KAZN: variants seen among roughly 807,000 people sequenced by gnomAD.
The protein encoded by KAZN is kazrin.
Under a neutral mutation model 87.4 loss-of-function variants are expected in KAZN, and 40 were observed. The ratio of observed to expected loss-of-function variants is 0.46; its 90% confidence interval spans 0.36 to 0.60. The LOEUF is 0.60. Ranked by LOEUF, KAZN falls within the 20% of genes least tolerant of loss-of-function variation. The pLI, the probability that KAZN is intolerant of heterozygous loss-of-function variation, is 0.00. For synonymous variants in KAZN, 466 were observed against 458.3 expected, an observed-to-expected ratio of 1.02 and a Z score of -0.22; for missense variants, 898 against 1,073.9, an observed-to-expected ratio of 0.84 and a Z score of 2.29.
intron 1 of KAZN, among the ~76,000 whole-genome samples, chr1:14,845,793 T>G (rs1205562680): frequency 6.6e-6 from 1 of 152,096 alleles, no homozygotes; most frequent in African/African-American, 2.4e-5. Flanking sequence ...ATGGAAAATA[T>G]CTGTGAGGGA....
rs1663512524 is a variant in KAZN, at chr1:14,958,963, C to G, written c.227-1721C>G. On this transcript the variant is annotated intron_variant, in intron 1 of 14. Transcript: ENST00000376030. The stretch of plus-strand genomic sequence containing the variant: ...GCCAGGTGCCAGGTGCTGTTCTAGG[C>G]ATGAGGATGCGGCCATGGACAAAAC... 2.6e-5 allele frequency among the ~76,000 whole-genome samples: 4 copies of G among 152,212 alleles called. No homozygotes were observed. In the South Asian group the frequency reaches 8.3e-4, roughly 32 times the overall value.
chr1:14,090,047 G>A (rs1182755920), intron 1 of KAZN, among the ~76,000 whole-genome samples: 2 of 150,516 alleles, frequency 1.3e-5, no homozygotes, highest in Admixed American at 6.6e-5. Context: ...TTAAGATTTT[G>A]TCTTTATTAT....
chr1:14,339,535 C>T (rs1457028802), intron 2 of KAZN, among the ~76,000 whole-genome samples: 3 of 152,124 alleles, frequency 2.0e-5, no homozygotes, highest in Non-Finnish European at 2.9e-5. Context: ...AAGCTAGACA[C>T]GCAGGAGAGC....
At chr1:14,147,147 AAT>A (rs908308243) in intron 1 of KAZN, among the ~76,000 whole-genome samples, 5 of 152,172 alleles carry the variant, frequency 3.3e-5, no homozygotes, top group African/African-American at 1.2e-4. Flanking sequence ...CATAACACAA[AAT>A]ATGTGTTAAT....
intron 1 of KAZN, among the ~76,000 whole-genome samples, chr1:13,900,040 G>A (rs368986293): frequency 7.9e-5 from 12 of 152,052 alleles, no homozygotes; most frequent in South Asian, 6.2e-4. Flanking sequence ...TGGGGCGGCT[G>A]TCATCCTTAT....
In KAZN at chr1:14,498,151, A is replaced by G. The variant is rs560373110; in HGVS notation, c.250-100832A>G. On this transcript the variant is annotated intron_variant, in intron 2 of 16. Transcript: ENST00000636203. ...TCCAGTTTTCTTCTTTCACATTACCATAGCACCTTGAATTTACAAGGCACA... is the reference window on the plus strand; with the variant it reads ...TCCAGTTTTCTTCTTTCACATTACCGTAGCACCTTGAATTTACAAGGCACA... Among the ~76,000 whole-genome samples, 11 of 152,254 alleles carry G rather than the reference A, an allele frequency of 7.2e-5. No homozygotes were observed. In the East Asian group the frequency reaches 1.9e-3, roughly 27 times the overall value.
chr1:14,644,952 T>G (rs1011789147), intron 1 of KAZN, among the ~76,000 whole-genome samples: 1 of 152,246 alleles, frequency 6.6e-6, no homozygotes, highest in Admixed American at 6.5e-5. Flanking sequence ...ATGTAAGTCT[T>G]TAATCTGTCT....
chr1:14,365,771 G>A (rs1419637991), intron 2 of KAZN, among the ~76,000 whole-genome samples: 2 of 152,182 alleles, frequency 1.3e-5, no homozygotes, highest in East Asian at 3.8e-4. Flanking sequence ...GAACCTCCGG[G>A]TTAAAAAATA....
chr1:14,650,789 AGGTAG>A (rs1023929793), intron 1 of KAZN, among the ~76,000 whole-genome samples: 6 of 152,188 alleles, frequency 3.9e-5, no homozygotes, highest in African/African-American at 1.4e-4. Context: ...CACTACCTAT[AGGTAG>A]GGTAGTGCTT....
At chr1:14,397,278 G>A (rs1257771726) in intron 2 of KAZN, among the ~76,000 whole-genome samples, 1 of 151,452 alleles carries the variant, frequency 6.6e-6, no homozygotes, top group African/African-American at 2.4e-5. Context: ...TTTGGAGACT[G>A]GAAGTCCAAG....
chr1:14,824,062 C>T (rs1177695122), intron 1 of KAZN, among the ~76,000 whole-genome samples: 4 of 149,726 alleles, frequency 2.7e-5, no homozygotes, highest in African/African-American at 7.4e-5. Flanking sequence ...TGCAGTGAGC[C>T]GAGATTGCAC....
intron 2 of KAZN, among the ~76,000 whole-genome samples, chr1:14,306,309 T>TG (rs1189121847): frequency 2.0e-5 from 3 of 152,184 alleles, no homozygotes; most frequent in African/African-American, 7.2e-5. Flanking sequence ...GCCAATGTAT[T>TG]GGGGTTGACT....
intron 1 of KAZN, among the ~76,000 whole-genome samples, chr1:14,158,495 A>G (rs1645644055): frequency 6.6e-6 from 1 of 152,186 alleles, no homozygotes. Flanking sequence ...TTTATTTGAT[A>G]GAACTCTGAA....
At chr1:13,974,661 A>C (rs1161117480) in intron 1 of KAZN, among the ~76,000 whole-genome samples, 1 of 152,216 alleles carries the variant, frequency 6.6e-6, no homozygotes, top group Non-Finnish European at 1.5e-5. Flanking sequence ...GGTTGCCAAA[A>C]GCTGAAAGAG....
chr1:14,904,746 GTGTTTTTGTTTC>G (rs1656318412), intron 1 of KAZN, among the ~76,000 whole-genome samples: 1 of 152,156 alleles, frequency 6.6e-6, no homozygotes, highest in Admixed American at 6.5e-5. Flanking sequence ...ATGCACTTTG[GTGTTTTTGTTTC>G]TGTTTTTGTT....
intron 1 of KAZN, among the ~76,000 whole-genome samples, chr1:14,941,117 T>G (rs1399270569): frequency 6.6e-6 from 1 of 151,844 alleles, no homozygotes; most frequent in Non-Finnish European, 1.5e-5. Context: ...GGGGTTTCAC[T>G]ATATGTTGGC....
intron 1 of KAZN, among the ~76,000 whole-genome samples, chr1:14,843,575 C>A (rs1365456141): frequency 6.6e-6 from 1 of 152,134 alleles, no homozygotes; most frequent in Non-Finnish European, 1.5e-5. Context: ...GGTGGAAGAG[C>A]CTTTGGGGCA....
At chr1:15,041,331 C>CTTTTTTTT (rs71000360) in intron 3 of KAZN, among the ~76,000 whole-genome samples, 14,845 of 112,524 alleles carry the variant, frequency 0.13, 815 homozygotes, top group African/African-American at 0.18. Context: ...CATTTTTTTT[C>CTTTTTTTT]TTTTTTTTTT....
At chr1:14,108,767 C>G (rs912606891) in intron 1 of KAZN, among the ~76,000 whole-genome samples, 1 of 152,152 alleles carries the variant, frequency 6.6e-6, no homozygotes, top group African/African-American at 2.4e-5. Flanking sequence ...TAACACTCCC[C>G]CAAGCATGCA....
Sources: allele counts gnomAD v4.1 joint callset (sites outside exome capture counted in the v4.1 genomes callset), GRCh38; gene constraint gnomAD v4.1.1; transcripts MANE v1.5; gene names NCBI Gene and HGNC (gene_info 2026-07-23, HGNC 2026-07-21).